The following KCNT2 variants were observed in gnomAD, a reference collection of about 807,000 sequenced individuals.
KCNT2 encodes the protein potassium channel subfamily T member 2.
In KCNT2, 67 loss-of-function variants were observed where a neutral mutation model predicts 153.8. The ratio of observed to expected loss-of-function variants is 0.44; its 90% CI spans 0.36 to 0.53. The LOEUF is 0.53. KCNT2 is among the 20% of genes least tolerant of loss of function. The probability of loss-of-function intolerance (pLI) is 0.00; values close to 1 mark genes in which losing one functional copy is unlikely to be tolerated. For synonymous variants in KCNT2, 500 were observed against 458.8 expected (o/e 1.09, Z -1.15); for missense variants, 975 against 1,354.8 (o/e 0.72, Z 4.40).
intron 19 of KCNT2, among the ~76,000 whole-genome samples, chr1:196,323,962 G>GT: frequency 1.4e-5 from 2 of 143,162 alleles, no homozygotes; most frequent in South Asian, 4.5e-4. Flanking sequence ...GCATCTAATT[G>GT]TTAAAAAAAA....
At chr1:196,498,367 A>C (rs1680417225) in intron 1 of KCNT2, among the ~76,000 whole-genome samples, 1 of 152,170 alleles carries the variant, frequency 6.6e-6, no homozygotes, top group African/African-American at 2.4e-5. Flanking sequence ...CAGTAGACAT[A>C]GATCACTATC....
At chr1:196,375,532 T>C (rs1668885294) in intron 13 of KCNT2, among the ~76,000 whole-genome samples, 1 of 151,784 alleles carries the variant, frequency 6.6e-6, no homozygotes. Flanking sequence ...CACCTTGTCA[T>C]TGGTAAAAGT....
intron 26 of KCNT2, among the ~76,000 whole-genome samples, chr1:196,249,292 G>C (rs1007610080): frequency 2.6e-5 from 4 of 152,072 alleles, no homozygotes; most frequent in African/African-American, 9.7e-5. Flanking sequence ...CTGCTGGAAG[G>C]TGTATATAGA....
intron 1 of KCNT2, among the ~76,000 whole-genome samples, chr1:196,592,070 T>C (rs1663422213): frequency 6.6e-6 from 1 of 152,110 alleles, no homozygotes; most frequent in South Asian, 2.1e-4. Context: ...TCAAAAGTGC[T>C]CTTCACACCT....
chr1:196,493,335 T>TG (rs549166972), intron 1 of KCNT2, among the ~76,000 whole-genome samples: 4 of 143,138 alleles, frequency 2.8e-5, no homozygotes, highest in East Asian at 4.3e-4. Context: ...GTCTTTTTTT[T>TG]GGGGGGGAGA....
At chr1:196,470,172 T>C (rs989892490) in intron 5 of KCNT2, among the ~76,000 whole-genome samples, 11 of 152,294 alleles carry the variant, frequency 7.2e-5, no homozygotes, top group Admixed American at 5.9e-4. Context: ...TGCCTCCTTA[T>C]AGAGATGTTA....
chr1:196,257,624 A>G (rs1346145664), intron 26 of KCNT2: 5 of 938,820 alleles, frequency 5.3e-6, no homozygotes, highest in African/African-American at 1.8e-5. Context: ...AGCTGTGTCT[A>G]TAGTGTCTAT....
intron 16 of KCNT2, among the ~76,000 whole-genome samples, chr1:196,340,026 G>GT (rs1175586609): frequency 6.6e-6 from 1 of 151,842 alleles, no homozygotes; most frequent in South Asian, 2.1e-4. Flanking sequence ...TTAGATTGAG[G>GT]TTTTTTTGGA....
At chr1:196,332,793 T>G (rs562719867) in intron 17 of KCNT2, among the ~76,000 whole-genome samples, 2 of 151,736 alleles carry the variant, frequency 1.3e-5, no homozygotes, top group Admixed American at 1.3e-4. Context: ...TAGTTTTTTT[T>G]TTTTTTTTTA....
chr1:196,465,240 A>T, intron 8 of KCNT2, 53 bp downstream of exon 8: 1 of 967,510 alleles, frequency 1.0e-6, no homozygotes, highest in Non-Finnish European at 1.6e-6. Flanking sequence ...GGTTTCCTTT[A>T]GAAATTATAA....
In KCNT2 at chr1:196,492,344, G is replaced by A; in HGVS notation, c.96-3C>T. The stretch of plus-strand genomic sequence containing the variant: ...TCATATAGAATTCAACTTGTACCCT[G>A]CAAACAGAAAATAAAAACATGTAAA... On this transcript the variant is annotated splice_polypyrimidine_tract_variant and splice_region_variant and intron_variant, in intron 1 of 27. Coordinates refer to ENST00000294725, the MANE Select transcript of KCNT2 (RefSeq NM_198503.5). The A allele has an allele frequency of 7.3e-7, 1 of 1,367,086 alleles. No individual in the cohort carries two copies. The highest frequency in any genetic ancestry group is 1.5e-5 in the African/African-American group (1 of 66,262). The allele number at this position is 1,367,086 out of a possible 1,614,324, so 84.7% of individuals were successfully genotyped here. A position where few individuals can be genotyped will look rare whatever the true frequency, so the allele number is the denominator to read the frequency against.
chr1:196,349,070 A>G (rs1436492090), intron 14 of KCNT2, among the ~76,000 whole-genome samples: 1 of 152,118 alleles, frequency 6.6e-6, no homozygotes, highest in African/African-American at 2.4e-5. Context: ...AAAATTTTTG[A>G]TGAGACATCT....
At chr1:196,492,969 A>G (rs78319557) in intron 1 of KCNT2, among the ~76,000 whole-genome samples, 485 of 152,308 alleles carry the variant, frequency 3.2e-3, no homozygotes, top group African/African-American at 0.011. Context: ...AAACAACTCA[A>G]TTAATAGACT....
chr1:196,418,594 A>T (rs1672940931), intron 12 of KCNT2, among the ~76,000 whole-genome samples: 1 of 152,046 alleles, frequency 6.6e-6, no homozygotes, highest in African/African-American at 2.4e-5. Flanking sequence ...GTTTCCTCTG[A>T]GGCCTGTGAC....
At chr1:196,431,362 G>GA (rs1430501528) in intron 8 of KCNT2, among the ~76,000 whole-genome samples, 1 of 152,034 alleles carries the variant, frequency 6.6e-6, no homozygotes, top group East Asian at 1.9e-4. Context: ...GTACATGCCA[G>GA]AAAAAAGCCT....
chr1:196,510,576 A>G (rs1681533319), intron 1 of KCNT2, among the ~76,000 whole-genome samples: 2 of 152,244 alleles, frequency 1.3e-5, no homozygotes, highest in South Asian at 4.1e-4. Context: ...TATTTACACA[A>G]GAAACAATGG....
At chr1:196,496,663 C>G (rs1680283335) in intron 1 of KCNT2, among the ~76,000 whole-genome samples, 1 of 151,958 alleles carries the variant, frequency 6.6e-6, no homozygotes, top group South Asian at 2.1e-4. Context: ...TGAAAACAAG[C>G]AAGGTTATTT....
At chr1:196,318,611 G>A (rs1263042242) in intron 20 of KCNT2, among the ~76,000 whole-genome samples, 1 of 151,700 alleles carries the variant, frequency 6.6e-6, no homozygotes, top group Non-Finnish European at 1.5e-5. Context: ...AATTTAAATA[G>A]TAATTTTAGT....
Position 196,234,547 on chromosome 1 carries a change from C to T in KCNT2, c.3296+1439G>A, listed in dbSNP as rs568413125. The stretch of plus-strand genomic sequence containing the variant: ...ACCTGCTTTTTAACTGTTTTCCCTA[C>T]GTTCATATTCACCCCAACCCTAACC... On this transcript the variant is annotated intron_variant, in intron 27 of 27. Coordinates refer to ENST00000294725, the MANE Select transcript of KCNT2 (RefSeq NM_198503.5). Among the ~76,000 whole-genome samples, 9 of 151,224 alleles carry T rather than the reference C, an allele frequency of 6.0e-5. No individual in the cohort carries two copies. The East Asian group carries it at 9.7e-4, about 16-fold the overall frequency.
Sources: gnomAD v4.1 joint callset for allele counts (sites outside exome capture counted in the v4.1 genomes callset) on GRCh38, gnomAD v4.1.1 for gene constraint, MANE v1.5 for transcripts, NCBI Gene and HGNC (gene_info 2026-07-23, HGNC 2026-07-21) for gene names.